The following RPH3AL variants were observed in gnomAD, a reference collection of about 807,000 sequenced individuals.
RPH3AL encodes the protein rab effector Noc2.
In RPH3AL, 38 loss-of-function variants were observed where a neutral mutation model predicts 43.1. That is an observed-to-expected ratio of 0.88 (90% CI 0.68 to 1.15). The LOEUF is 1.15. RPH3AL is among the 50% of genes most tolerant of loss of function. The pLI is 0.00. For missense variants in RPH3AL, 462 were observed against 423.2 expected (o/e 1.09, Z -0.81); for synonymous variants, 189 against 176.3 (o/e 1.07, Z -0.57).
At chr17:350,599 A>G (rs2045334842) in intron 1 of RPH3AL, among the ~76,000 whole-genome samples, 1 of 152,148 alleles carries the variant, frequency 6.6e-6, no homozygotes, top group Non-Finnish European at 1.5e-5. Flanking sequence ...ACAGAGCAAG[A>G]CCCCATCTCA....
rs1169823639 is a variant in RPH3AL at position 321,274 on chromosome 17, G to A, written c.219C>T (p.Ile73=). The change falls in exon 4 of 10, where the codon ATC becomes ATT. Residue 73 remains isoleucine (I), a splice_region_variant and synonymous_variant. Coordinates refer to ENST00000331302, the MANE Select transcript of RPH3AL (RefSeq NM_006987.4). ...ERLDVLEQQR[I]GRLVERLETM... Reference sequence around the variant, plus strand: ...AGCTGGCCCCGGCCCCGCCTCACCCGATTCTCTGCTGCTCCAGGACGTCGA... The same window carrying A: ...AGCTGGCCCCGGCCCCGCCTCACCCAATTCTCTGCTGCTCCAGGACGTCGA... 11 of 1,606,622 alleles carry A rather than the reference G, an allele frequency of 6.8e-6. No individual in the cohort carries two copies. The East Asian group carries it at 1.3e-4, about 20-fold the overall frequency.
chr17:322,605 GAGGCTCTGGAA>G lies in RPH3AL; in HGVS notation c.78-1201_78-1191del, dbSNP rs1474289926. Among the ~76,000 whole-genome samples, 2 of 152,160 alleles carry G rather than the reference GAGGCTCTGGAA, an allele frequency of 1.3e-5. No homozygotes were observed. Among genetic ancestry groups the G allele is most frequent in the African/African-American group, 4.8e-5 (2 of 41,440 alleles). On this transcript the variant is annotated intron_variant, in intron 3 of 9. Transcript: ENST00000331302. This position sits in a 1 kb window ranked among gnomAD's most constrained non-coding sequence, Gnocchi z 4.0. ...GAGAATTACCCAGCAGGGAGGGGAT[GAGGCTCTGGAA>G]AGGCTCGCTTTCTTTAGGGAAGTGT...
At chr17:236,185 C>T (rs1051086073) in intron 7 of RPH3AL, among the ~76,000 whole-genome samples, 13 of 152,364 alleles carry the variant, frequency 8.5e-5, no homozygotes, top group Non-Finnish European at 1.6e-4. Context: ...GAGCTTCTCA[C>T]AGCTCCTGAC....
At chr17:214,706 G>C (rs933422579) in intron 9 of RPH3AL, 8 of 152,014 alleles carry the variant, frequency 5.3e-5, no homozygotes, top group African/African-American at 1.9e-4. Context: ...GGAGGTCGAG[G>C]CTGCAGTGAA....
intron 5 of RPH3AL, among the ~76,000 whole-genome samples, chr17:287,393 T>A (rs1431561204): frequency 7.1e-3 from 1 of 140 alleles, no homozygotes; most frequent in African/African-American, 0.022. Context: ...CAGACCTCAC[T>A]CCCTCTCTCC....
At chr17:265,423 A>C (rs2042297097) in intron 6 of RPH3AL, among the ~76,000 whole-genome samples, 2 of 152,226 alleles carry the variant, frequency 1.3e-5, no homozygotes, top group South Asian at 4.1e-4. Context: ...TAATTAGATA[A>C]GTATAGCTTT....
At chr17:325,149 C>A (rs1187517784) in intron 3 of RPH3AL, among the ~76,000 whole-genome samples, 3 of 152,226 alleles carry the variant, frequency 2.0e-5, no homozygotes, top group Non-Finnish European at 4.4e-5. Flanking sequence ...GCGTGAGCCA[C>A]CGCGACCGGC....
intron 5 of RPH3AL, among the ~76,000 whole-genome samples, chr17:316,960 TACA>T: frequency 1.7e-5 from 2 of 120,686 alleles, no homozygotes; most frequent in East Asian, 2.4e-4. Flanking sequence ...GTAGTCTCTC[TACA>T]CCCACCTCCA....
chr17:344,849 T>C (rs1164050381), intron 1 of RPH3AL, among the ~76,000 whole-genome samples: 2 of 135,916 alleles, frequency 1.5e-5, no homozygotes, highest in East Asian at 2.3e-4. Flanking sequence ...TCTTCTGTAT[T>C]GGGGGAAATG....
chr17:275,701 T>G (rs1286074103), intron 6 of RPH3AL, among the ~76,000 whole-genome samples: 1 of 152,138 alleles, frequency 6.6e-6, no homozygotes, highest in Non-Finnish European at 1.5e-5. Context: ...CGTGTGCCAC[T>G]ATACCTGGCT....
chr17:314,281 A>G (rs988979869), intron 5 of RPH3AL, among the ~76,000 whole-genome samples: 3 of 152,118 alleles, frequency 2.0e-5, no homozygotes, highest in Admixed American at 1.3e-4. Flanking sequence ...AGGCCCCTAT[A>G]CCTGGAATAT....
chr17:300,096 C>T (rs2043287986), intron 5 of RPH3AL, among the ~76,000 whole-genome samples: 1 of 36,546 alleles, frequency 2.7e-5, no homozygotes, highest in African/African-American at 1.0e-4. Flanking sequence ...GGGGCTGGCC[C>T]AGCCTAGGCC....
At chr17:235,898 T>C (rs1393214650) in intron 7 of RPH3AL, among the ~76,000 whole-genome samples, 2 of 142,478 alleles carry the variant, frequency 1.4e-5, no homozygotes, top group African/African-American at 5.2e-5. Flanking sequence ...ACAAGAGGGA[T>C]ACAGGGTTCA....
intron 5 of RPH3AL, among the ~76,000 whole-genome samples, chr17:315,866 G>GAAT (rs1598102975): frequency 4.3e-5 from 5 of 117,578 alleles, no homozygotes; most frequent in Admixed American, 9.0e-5. Context: ...TAGTCCCTGT[G>GAAT]CCCCCACCTC....
intron 5 of RPH3AL, among the ~76,000 whole-genome samples, chr17:304,963 G>A (rs1300180337): frequency 1.9e-5 from 1 of 51,976 alleles, no homozygotes; most frequent in Non-Finnish European, 4.1e-5. Context: ...GGGACAGGGC[G>A]AGAGGGGGAC....
At chr17:317,099 C>T (rs1296001335) in intron 5 of RPH3AL, among the ~76,000 whole-genome samples, 10,353 of 143,402 alleles carry the variant, frequency 0.072, 189 homozygotes, top group African/African-American at 0.2. Flanking sequence ...CCTCCAGTGA[C>T]CTGTAGTCCC....
At chr17:349,156 G>A (rs2045306480) in intron 1 of RPH3AL, 1 of 152,144 alleles carries the variant, frequency 6.6e-6, no homozygotes, top group Non-Finnish European at 1.5e-5. Context: ...TTGGCAGGCA[G>A]AAGGCGGCAT....
intron 5 of RPH3AL, among the ~76,000 whole-genome samples, chr17:314,711 G>GACCCCAC (rs74212407): frequency 1.2e-4 from 3 of 24,274 alleles, no homozygotes; most frequent in East Asian, 1.5e-3. Context: ...TAGTCTCTGT[G>GACCCCAC]CTCCACCTCC....
Position 215,764 on chromosome 17 carries a change from G to T in RPH3AL, c.766C>A (p.Pro256Thr), listed in dbSNP as rs2040784296. 3 of 1,304,838 alleles carry T rather than the reference G, an allele frequency of 2.3e-6. No individual in the cohort carries two copies. The highest frequency in any genetic ancestry group is 2.9e-6 in the Non-Finnish European group (3 of 1,023,144). The allele number at this position is 1,304,838 out of a possible 1,614,324, so 80.8% of individuals were successfully genotyped here. A position where few individuals can be genotyped will look rare whatever the true frequency, so the allele number is the denominator to read the frequency against. ...VEAPRMGFTHPPGHLSGCQSS... is the reference protein window; with the variant it reads ...VEAPRMGFTHTPGHLSGCQSS... ...TGGCACCCAGAGAGGTGGCCCGGCG[G>T]GTGGGTGAACCCCATCCTGGGGGCC... The change falls in exon 9 of 10, where the codon CCG becomes ACG. Residue 256 changes from proline to threonine, a missense_variant. Pro to Thr is a conservative substitution (Grantham distance 38). Coordinates refer to ENST00000331302, the MANE Select transcript of RPH3AL (RefSeq NM_006987.4). The surrounding 1 kb of genome is among the most constrained non-coding windows in gnomAD (Gnocchi z 4.1).
Sources: gnomAD v4.1 joint callset for allele counts (sites outside exome capture counted in the v4.1 genomes callset) on GRCh38, gnomAD v4.1.1 for gene constraint, Gnocchi (gnomAD v3.1) non-coding constraint, MANE v1.5 for transcripts, NCBI Gene and HGNC (gene_info 2026-07-23, HGNC 2026-07-21) for gene names.